CACNA1D: variants seen among roughly 807,000 people sequenced by gnomAD.
The protein encoded by CACNA1D is voltage-dependent L-type calcium channel subunit alpha-1D.
In CACNA1D, 55 loss-of-function variants were observed where a neutral mutation model predicts 257.1. The ratio of observed to expected loss-of-function variants is 0.21; its 90% CI spans 0.17 to 0.27. The LOEUF (loss-of-function observed/expected upper bound fraction) is 0.27, where lower values mean the gene tolerates loss of function less well. CACNA1D is among the 10% of genes least tolerant of loss of function. CACNA1D has a pLI of 1.00. For missense variants in CACNA1D, 1,876 were observed against 2,784.0 expected (o/e 0.67, Z 7.34); for synonymous variants, 980 against 1,014.9 (o/e 0.97, Z 0.65).
At chr3:53,587,293 A>G (rs985474030) in intron 3 of CACNA1D, among the ~76,000 whole-genome samples, 1 of 152,118 alleles carries the variant, frequency 6.6e-6, no homozygotes, top group African/African-American at 2.4e-5. Context: ...TTCGAGAACT[A>G]TTGGGGTGTA....
chr3:53,538,565 G>T (rs1348630695), intron 3 of CACNA1D, among the ~76,000 whole-genome samples: 2 of 152,190 alleles, frequency 1.3e-5, no homozygotes, highest in African/African-American at 4.8e-5. Flanking sequence ...TATTTACTGT[G>T]TTCTGCTGAA....
At chr3:53,791,571 C>G (rs1480050696) in intron 40 of CACNA1D, 1 of 154,296 alleles carries the variant, frequency 6.5e-6, no homozygotes, top group African/African-American at 2.4e-5. Flanking sequence ...TCCGCCATGA[C>G]CTCCTGAGCG....
intron 3 of CACNA1D, among the ~76,000 whole-genome samples, chr3:53,529,595 A>G (rs560621772): frequency 6.6e-6 from 1 of 152,284 alleles, no homozygotes; most frequent in African/African-American, 2.4e-5. Flanking sequence ...GTGTAGAGTG[A>G]TGACTGTTAG....
At chr3:53,579,042 G>A (rs1251112960) in intron 3 of CACNA1D, among the ~76,000 whole-genome samples, 4 of 152,226 alleles carry the variant, frequency 2.6e-5, no homozygotes, top group Non-Finnish European at 5.9e-5. Flanking sequence ...CCGAGCAGCA[G>A]GCGGAGGAGG....
chr3:53,659,466 GTCAT>G lies in CACNA1D; in HGVS notation c.624-661_624-658del, dbSNP rs573920608. On this transcript the variant is annotated intron_variant, in intron 4 of 47. Coordinates refer to ENST00000350061, the MANE Select transcript of CACNA1D (RefSeq NM_001128840.3). Reference sequence around the variant, plus strand: ...ACATATTAAGATGTGAGACTTTGAAGTCATTCATTGATTGATTCATCAGATATTT... The same window carrying G: ...ACATATTAAGATGTGAGACTTTGAAGTCATTGATTGATTCATCAGATATTT... Among the ~76,000 whole-genome samples, 36 of 152,318 alleles carry G rather than the reference GTCAT, an allele frequency of 2.4e-4. No individual in the cohort carries two copies. The South Asian group carries it at 6.2e-3, about 26-fold the overall frequency.
intron 40 of CACNA1D, among the ~76,000 whole-genome samples, chr3:53,794,253 G>A (rs2095497844): frequency 6.6e-6 from 1 of 152,192 alleles, no homozygotes; most frequent in Admixed American, 6.5e-5. Flanking sequence ...TCCTTTGGCA[G>A]CCCAATTGTG....
In CACNA1D at chr3:53,789,250, T is replaced by A. The variant is rs747553442; in HGVS notation, c.4923+2298T>A. 2.0e-5 allele frequency among the ~76,000 whole-genome samples: 3 copies of A among 152,264 alleles called. No homozygotes were observed. The highest frequency in any genetic ancestry group is 4.4e-5 in the Non-Finnish European group (3 of 68,052). On this transcript the variant is annotated intron_variant, in intron 40 of 47. Transcript: ENST00000350061. This position sits in a 1 kb window ranked among gnomAD's most constrained non-coding sequence, Gnocchi z 4.2. ...CTCCATTGGGAGCTGAAGCATCGTC[T>A]GTAATTTATGTTGAGAATGCAGCCT... is the stretch of plus-strand genomic sequence containing the variant.
chr3:53,718,512 G>C (rs1384644270), intron 10 of CACNA1D, 124 bp downstream of exon 10: 4 of 1,068,756 alleles, frequency 3.7e-6, no homozygotes, highest in Admixed American at 2.0e-5. Context: ...GGGTGGGAAG[G>C]CTCCTCGTAC....
At chr3:53,586,545 T>C (rs1257832290) in intron 3 of CACNA1D, among the ~76,000 whole-genome samples, 1 of 152,120 alleles carries the variant, frequency 6.6e-6, no homozygotes, top group East Asian at 1.9e-4. Flanking sequence ...GTCCCCATGG[T>C]CCACAAAAAT....
chr3:53,648,468 A>G (rs1261615396), intron 3 of CACNA1D, among the ~76,000 whole-genome samples: 2 of 151,960 alleles, frequency 1.3e-5, no homozygotes, highest in African/African-American at 4.8e-5. Flanking sequence ...CTTTCCCTCT[A>G]TCCAGTGGCA....
intron 3 of CACNA1D, among the ~76,000 whole-genome samples, chr3:53,552,982 G>T (rs750090424): frequency 6.6e-6 from 1 of 152,212 alleles, no homozygotes; most frequent in Non-Finnish European, 1.5e-5. Flanking sequence ...TAGGAGAGCA[G>T]TTGCTTTCAA....
intron 32 of CACNA1D, among the ~76,000 whole-genome samples, chr3:53,771,617 C>T (rs1006090810): frequency 2.6e-5 from 4 of 152,132 alleles, no homozygotes; most frequent in Non-Finnish European, 5.9e-5. Context: ...ACAGAATCCT[C>T]GACAGTTATT....
chr3:53,783,113 CT>C (rs1325180434), intron 39 of CACNA1D: 1 of 152,148 alleles, frequency 6.6e-6, no homozygotes, highest in Non-Finnish European at 1.5e-5. Flanking sequence ...GAATAGTGGG[CT>C]ATGTCTGTCT....
At chr3:53,781,957 C>T in intron 39 of CACNA1D, 1 of 385,146 alleles carries the variant, frequency 2.6e-6, no homozygotes. Context: ...ATTGTGATCT[C>T]AAAGTGAAAA....
At chr3:53,776,581 C>T (rs1170686261) in intron 35 of CACNA1D, 22 bp from the exon 36 acceptor site, 1 of 1,613,988 alleles carries the variant, frequency 6.2e-7, no homozygotes, top group African/African-American at 1.3e-5. Flanking sequence ...TGAAGTTCTT[C>T]CTTTCCTATT....
chr3:53,713,092 C>G (rs1026400545), intron 9 of CACNA1D, among the ~76,000 whole-genome samples: 3 of 152,188 alleles, frequency 2.0e-5, no homozygotes, highest in African/African-American at 7.2e-5. Flanking sequence ...CCCTGGCTTC[C>G]CTCCTGAGGG....
intron 3 of CACNA1D, among the ~76,000 whole-genome samples, chr3:53,623,048 C>A (rs567975199): frequency 6.6e-6 from 1 of 152,148 alleles, no homozygotes; most frequent in Non-Finnish European, 1.5e-5. Flanking sequence ...CTCGCCAACA[C>A]GTTTGGCTAA....
At chr3:53,707,908 T>C (rs1462482082) in intron 9 of CACNA1D, among the ~76,000 whole-genome samples, 2 of 152,224 alleles carry the variant, frequency 1.3e-5, no homozygotes, top group Non-Finnish European at 1.5e-5. Flanking sequence ...ATAATTCCTC[T>C]AAGTAAAGAT....
At chr3:53,689,587 A>T (rs895805998) in intron 8 of CACNA1D, among the ~76,000 whole-genome samples, 1 of 151,992 alleles carries the variant, frequency 6.6e-6, no homozygotes, top group African/African-American at 2.4e-5. Context: ...AGATAAGAAG[A>T]GGTCTCTGGA....
Sources: allele counts gnomAD v4.1 joint callset (sites outside exome capture counted in the v4.1 genomes callset), GRCh38; gene constraint gnomAD v4.1.1; non-coding constraint Gnocchi (gnomAD v3.1); transcripts MANE v1.5; gene names NCBI Gene and HGNC (gene_info 2026-07-23, HGNC 2026-07-21).